Variants in ZNF503 observed in about 807,000 individuals in gnomAD.
ZNF503 encodes NocA-like zinc finger 2.
In ZNF503, 15 loss-of-function variants were observed where a neutral mutation model predicts 34.4. That is an observed-to-expected ratio of 0.44 (90% confidence interval 0.29 to 0.67). ZNF503 has a LOEUF of 0.67. Ranked by LOEUF, ZNF503 falls within the 30% of genes least tolerant of loss-of-function variation. ZNF503 has a pLI of 0.13. For missense variants in ZNF503, 1,007 were observed against 926.8 expected, an observed-to-expected ratio of 1.09 and a Z score of -1.12; for synonymous variants, 580 against 456.8, an observed-to-expected ratio of 1.27 and a Z score of -3.44.
chr10:75,382,369 T>G, the ZNF503 span: 1 of 281,820 alleles, frequency 3.5e-6, no homozygotes, highest in African/African-American at 2.3e-5. Flanking sequence ...TCATGTTTCC[T>G]GGAGGTAAAA....
chr10:75,298,968 G>A, the ZNF503 span: 1 of 146,018 alleles, frequency 6.8e-6, no homozygotes, highest in African/African-American at 2.6e-5. Context: ...TTTCACTCTT[G>A]TTGCCCAGGC....
Position 75,401,654 on chromosome 10 carries a change from C to A in ZNF503, c.-235G>T. 1 of 515,874 alleles carries A rather than the reference C, an allele frequency of 1.9e-6. No homozygotes were observed. The highest frequency in any genetic ancestry group is 3.3e-6 in the Non-Finnish European group (1 of 301,268). The allele number at this position is 515,874 out of a possible 1,614,324, so 32.0% of individuals were successfully genotyped here. A position where few individuals can be genotyped will look rare whatever the true frequency, so the allele number is the denominator to read the frequency against. On this transcript the variant is annotated 5_prime_UTR_variant, in exon 1 of 2. Coordinates refer to ENST00000372524, the MANE Select transcript of ZNF503 (RefSeq NM_032772.6). ...GGAGCCGGCTGGACTGCGGGAGTGC[C>A]GGGCGGCTCGCGGTGTCCGCCTCGG...
At chr10:75,343,019 C>T in the ZNF503 span, among the ~76,000 whole-genome samples, 12 of 152,276 alleles carry the variant, frequency 7.9e-5, no homozygotes, top group East Asian at 9.6e-4. Flanking sequence ...AAAGAAGTGA[C>T]GCTTGAGCTG....
At chr10:75,349,144 T>C in the ZNF503 span, among the ~76,000 whole-genome samples, 107 of 152,352 alleles carry the variant, frequency 7.0e-4, 1 homozygote, top group African/African-American at 2.3e-3. Flanking sequence ...CTTGCTACAA[T>C]GTAACATAAG....
chr10:75,333,641 C>T, the ZNF503 span, among the ~76,000 whole-genome samples: 1 of 54,234 alleles, frequency 1.8e-5, no homozygotes, highest in Non-Finnish European at 3.5e-5. Flanking sequence ...GGGGCTGACC[C>T]CCCCACCTCC....
chr10:75,383,308 C>T, the ZNF503 span, among the ~76,000 whole-genome samples: 1 of 152,200 alleles, frequency 6.6e-6, no homozygotes, highest in Non-Finnish European at 1.5e-5. Flanking sequence ...AAACTCTATT[C>T]TAGGGTGCTC....
chr10:75,362,939 C>G, the ZNF503 span, among the ~76,000 whole-genome samples: 1 of 152,142 alleles, frequency 6.6e-6, no homozygotes. Context: ...TCTACTTCTA[C>G]CCCCACCCCA....
chr10:75,383,843 G>A, the ZNF503 span, among the ~76,000 whole-genome samples: 1 of 152,258 alleles, frequency 6.6e-6, no homozygotes, highest in Non-Finnish European at 1.5e-5. Context: ...GTGTCCATCA[G>A]TCATTGGTCT....
chr10:75,369,357 G>A, the ZNF503 span, among the ~76,000 whole-genome samples: 18 of 152,320 alleles, frequency 1.2e-4, no homozygotes, highest in Non-Finnish European at 2.6e-4. Flanking sequence ...GTATGACAAG[G>A]TGGAGATAAT....
chr10:75,310,689 G>T, the ZNF503 span, among the ~76,000 whole-genome samples: 1 of 152,156 alleles, frequency 6.6e-6, no homozygotes, highest in Non-Finnish European at 1.5e-5. Context: ...CTGCAGTCTA[G>T]TGGAGACCAT....
the ZNF503 span, among the ~76,000 whole-genome samples, chr10:75,326,152 T>C: frequency 6.6e-6 from 1 of 152,254 alleles, no homozygotes; most frequent in African/African-American, 2.4e-5. Context: ...ATTGCCACTA[T>C]GTAGAAATAC....
the ZNF503 span, among the ~76,000 whole-genome samples, chr10:75,369,394 G>A: frequency 1.1e-4 from 17 of 152,206 alleles, no homozygotes; most frequent in Non-Finnish European, 2.4e-4. Context: ...TTTCCCCCAT[G>A]CTGTTCTCGT....
rs1314185554 is a variant in ZNF503, at chr10:75,399,208, G to A, written c.1482C>T (p.Ser494=). The part of the protein sequence containing the change: ...AAAAAGATPP[S]LAGHPLYPYG... ...AGGGGTAGAGGGGGTGGCCGGCCAG[G>A]GAGGGCGGTGTGGCGCCAGCAGCCG... The change falls in exon 2 of 2, where the codon TCC becomes TCT. Residue 494 remains serine, a synonymous_variant. Coordinates refer to ENST00000372524, the MANE Select transcript of ZNF503 (RefSeq NM_032772.6). The A allele has an allele frequency of 3.8e-6, 6 of 1,596,922 alleles. No homozygotes were observed.
the ZNF503 span, among the ~76,000 whole-genome samples, chr10:75,378,517 C>T: frequency 6.7e-6 from 1 of 149,684 alleles, no homozygotes; most frequent in Admixed American, 6.6e-5. Context: ...CCCACTCTCT[C>T]CTCCCTCCCT....
chr10:75,312,275 T>C, the ZNF503 span, among the ~76,000 whole-genome samples: 2 of 151,180 alleles, frequency 1.3e-5, no homozygotes, highest in Admixed American at 6.6e-5. Context: ...AAATAGGATA[T>C]AAAAGGAAAA....
downstream of ZNF503, among the ~76,000 whole-genome samples, chr10:75,396,389 A>G (rs1364598863): frequency 6.6e-6 from 1 of 152,146 alleles, no homozygotes; most frequent in Non-Finnish European, 1.5e-5. This position sits in a 1 kb window ranked among gnomAD's most constrained non-coding sequence, Gnocchi z 4.4. Flanking sequence ...CCACCAAGTC[A>G]GTTCCAGGAG....
chr10:75,309,304 A>C, the ZNF503 span, among the ~76,000 whole-genome samples: 1 of 152,252 alleles, frequency 6.6e-6, no homozygotes, highest in Non-Finnish European at 1.5e-5. Flanking sequence ...AATTGACTCT[A>C]ACTCTGTAAG....
chr10:75,341,884 T>TG, the ZNF503 span, among the ~76,000 whole-genome samples: 2 of 152,142 alleles, frequency 1.3e-5, no homozygotes, highest in African/African-American at 4.8e-5. Flanking sequence ...TCCCACACAC[T>TG]GGGTCTGAAT....
chr10:75,374,148 C>A, the ZNF503 span, among the ~76,000 whole-genome samples: 1 of 152,124 alleles, frequency 6.6e-6, no homozygotes, highest in African/African-American at 2.4e-5. Flanking sequence ...ACCCAGTCTA[C>A]TAAAAATACA....
Sources: gnomAD v4.1 joint callset for allele counts (sites outside exome capture counted in the v4.1 genomes callset) on GRCh38, gnomAD v4.1.1 for gene constraint, Gnocchi (gnomAD v3.1) non-coding constraint, MANE v1.5 for transcripts, NCBI Gene and HGNC (gene_info 2026-07-23, HGNC 2026-07-21) for gene names.